The following ARL14EPL variants were observed in gnomAD, a reference collection of about 807,000 sequenced individuals.
ARL14EPL encodes the protein ARF like GTPase 14 effector protein like.
In ARL14EPL, 17 loss-of-function variants were observed where a neutral mutation model predicts 15.9. That is an observed-to-expected ratio of 1.07 (90% CI 0.73 to 1.60). The LOEUF (loss-of-function observed/expected upper bound fraction) is 1.60. ARL14EPL is among the 40% of genes most tolerant of loss of function. The pLI is 0.00. For missense variants in ARL14EPL, 214 were observed against 185.9 expected (o/e 1.15, Z -0.88); for synonymous variants, 78 against 63.8 (o/e 1.22, Z -1.06).
intron 3 of ARL14EPL, among the ~76,000 whole-genome samples, 171 bp downstream of exon 3, chr5:116,054,324 A>G (rs1281346096): frequency 1.3e-5 from 2 of 152,200 alleles, no homozygotes; most frequent in Non-Finnish European, 2.9e-5. Flanking sequence ...GAAACAGAAA[A>G]ATAGACTATA....
intron 1 of ARL14EPL, 41 bp downstream of exon 1, chr5:116,032,546 C>A (rs1298766999): frequency 6.6e-6 from 1 of 152,122 alleles, no homozygotes; most frequent in Non-Finnish European, 1.5e-5. Flanking sequence ...GAGAAAGATA[C>A]CATATTTGCA....
chr5:116,049,152 G>C (rs887491780), intron 1 of ARL14EPL, among the ~76,000 whole-genome samples: 3 of 152,184 alleles, frequency 2.0e-5, no homozygotes, highest in Non-Finnish European at 4.4e-5. Context: ...ATGGGCAATA[G>C]TTTTACCATC....
intron 3 of ARL14EPL, among the ~76,000 whole-genome samples, chr5:116,054,745 C>A (rs567496849): frequency 8.5e-5 from 13 of 152,134 alleles, no homozygotes; most frequent in Non-Finnish European, 1.5e-4. Context: ...GCAGGTGAAT[C>A]GCTTGAACCC....
chr5:116,055,660 T>A (rs1388073246), intron 3 of ARL14EPL, among the ~76,000 whole-genome samples: 2 of 151,584 alleles, frequency 1.3e-5, no homozygotes, highest in East Asian at 1.9e-4. Flanking sequence ...TAATTTTTTT[T>A]ATTATACTTT....
In ARL14EPL at chr5:116,039,241, C is replaced by G. The variant is rs140189792; in HGVS notation, c.-10+6736C>G. Among the ~76,000 whole-genome samples the G allele has an allele frequency of 2.4e-3, 360 of 152,268 alleles. 2 individuals are homozygous for G. The highest frequency in any genetic ancestry group is 8.3e-3 in the African/African-American group (343 of 41,562). ...ACTTGCTCTCTTAAATTCATCCACT[C>G]CTGACCCCAGGCCCTCCTCCTATCA... On this transcript the variant is annotated intron_variant, in intron 1 of 3. Coordinates refer to ENST00000686077, the MANE Select transcript of ARL14EPL (RefSeq NM_001195581.2).
chr5:116,040,931 A>G (rs543496435), intron 1 of ARL14EPL, among the ~76,000 whole-genome samples: 11 of 136,524 alleles, frequency 8.1e-5, no homozygotes, highest in South Asian at 7.3e-4. Context: ...AGTGAGCTGA[A>G]ATAGCGCCAC....
At chr5:116,052,081 G>A (rs1247426933) in intron 2 of ARL14EPL, 30 of 1,613,284 alleles carry the variant, frequency 1.9e-5, no homozygotes, top group Non-Finnish European at 2.4e-5. Flanking sequence ...CCACAGCTGG[G>A]GTTATAAGTT....
chr5:116,049,199 T>A (rs1300513541), intron 1 of ARL14EPL, among the ~76,000 whole-genome samples: 2 of 152,176 alleles, frequency 1.3e-5, no homozygotes, highest in African/African-American at 4.8e-5. Flanking sequence ...TATACCTACT[T>A]TTCCTACCCT....
At chr5:116,040,124 AT>A (rs1200224776) in intron 1 of ARL14EPL, among the ~76,000 whole-genome samples, 1 of 152,108 alleles carries the variant, frequency 6.6e-6, no homozygotes, top group East Asian at 1.9e-4. Flanking sequence ...TTGTAGCTAA[AT>A]TTTTGCGAAG....
intron 1 of ARL14EPL, among the ~76,000 whole-genome samples, chr5:116,037,102 C>T (rs1749061512): frequency 6.6e-6 from 1 of 152,144 alleles, no homozygotes; most frequent in African/African-American, 2.4e-5. Context: ...ATAGCCAGTT[C>T]TTGACTATGT....
intron 1 of ARL14EPL, 31 bp downstream of exon 1, chr5:116,032,536 G>A (rs1409376883): frequency 2.0e-5 from 3 of 152,104 alleles, no homozygotes; most frequent in Non-Finnish European, 1.5e-5. Context: ...TATTTTGAAA[G>A]AGAAAGATAC....
intron 1 of ARL14EPL, among the ~76,000 whole-genome samples, chr5:116,033,094 C>T (rs553368399): frequency 1.2e-4 from 19 of 152,182 alleles, no homozygotes; most frequent in Non-Finnish European, 1.6e-4. Flanking sequence ...CCCCCACACC[C>T]GGCCTATAGC....
intron 3 of ARL14EPL, 38 bp from the exon 4 acceptor site, chr5:116,058,687 T>C (rs1430672518): frequency 1.3e-6 from 2 of 1,511,528 alleles, no homozygotes; most frequent in Middle Eastern, 2.3e-4. Context: ...TTGAGGATGA[T>C]TGCACTGTCA....
intron 3 of ARL14EPL, among the ~76,000 whole-genome samples, chr5:116,055,917 G>A (rs149999378): frequency 0.031 from 4,645 of 152,094 alleles, 144 homozygotes; most frequent in East Asian, 0.16. Context: ...TAGTCCTTGC[G>A]ATAGTTTGCT....
At chr5:116,044,986 A>G (rs1385273936) in intron 1 of ARL14EPL, among the ~76,000 whole-genome samples, 4 of 152,222 alleles carry the variant, frequency 2.6e-5, no homozygotes, top group East Asian at 3.9e-4. Context: ...GTTCGTCTTC[A>G]TGAGGCAACT....
intron 3 of ARL14EPL, among the ~76,000 whole-genome samples, chr5:116,056,545 T>G (rs1749521693): frequency 6.6e-6 from 1 of 152,202 alleles, no homozygotes; most frequent in Non-Finnish European, 1.5e-5. Flanking sequence ...TTCTGGATAT[T>G]AGCCCTTTGT....
chr5:116,040,837 C>G (rs7716345), intron 1 of ARL14EPL, among the ~76,000 whole-genome samples: 1 of 147,816 alleles, frequency 6.8e-6, no homozygotes, highest in Admixed American at 6.7e-5. Context: ...AAAAATTAGT[C>G]GGGCGTGGTG....
At chr5:116,041,474 GA>G (rs1327139245) in intron 1 of ARL14EPL, among the ~76,000 whole-genome samples, 4 of 152,022 alleles carry the variant, frequency 2.6e-5, no homozygotes, top group African/African-American at 9.7e-5. Flanking sequence ...TTCCAAAATG[GA>G]GCTGCTGGAG....
intron 3 of ARL14EPL, among the ~76,000 whole-genome samples, chr5:116,058,096 T>TA (rs767899703): frequency 2.6e-5 from 4 of 152,228 alleles, no homozygotes; most frequent in African/African-American, 4.8e-5. Flanking sequence ...AGTCAGAGCT[T>TA]ACGATGTATG....
Sources: gnomAD v4.1 joint callset for allele counts (sites outside exome capture counted in the v4.1 genomes callset) on GRCh38, gnomAD v4.1.1 for gene constraint, MANE v1.5 for transcripts, NCBI Gene and HGNC (gene_info 2026-07-23, HGNC 2026-07-21) for gene names.